COBLL1: variants seen among roughly 807,000 people sequenced by gnomAD.
COBLL1 encodes cordon-bleu protein-like 1.
COBLL1 carries 50 observed loss-of-function variants against 94.8 expected under a neutral mutation model. The ratio of observed to expected loss-of-function variants is 0.53; its 90% confidence interval spans 0.42 to 0.67. The LOEUF is 0.67. COBLL1 is among the 30% of genes least tolerant of loss of function. COBLL1 has a pLI of 0.00. For missense variants in COBLL1, 1,362 were observed against 1,348.7 expected, an observed-to-expected ratio of 1.01 and a Z score of -0.15; for synonymous variants, 448 against 473.8, an observed-to-expected ratio of 0.95 and a Z score of 0.71.
intron 2 of COBLL1, among the ~76,000 whole-genome samples, chr2:164,818,696 A>G (rs554643899): frequency 1.4e-3 from 207 of 143,888 alleles, no homozygotes; most frequent in African/African-American, 5.2e-3. Context: ...GTGTATATGT[A>G]CTTATGTAAA....
At chr2:164,787,893 CTTGG>C (rs1682949371) in intron 2 of COBLL1, among the ~76,000 whole-genome samples, 1 of 152,134 alleles carries the variant, frequency 6.6e-6, no homozygotes, top group Non-Finnish European at 1.5e-5. Flanking sequence ...TCTTTTATGA[CTTGG>C]TTTTCTAAAT....
intron 4 of COBLL1, 29 bp downstream of exon 4, chr2:164,729,885 G>A: frequency 6.4e-7 from 1 of 1,557,712 alleles, no homozygotes; most frequent in Non-Finnish European, 8.8e-7. Flanking sequence ...GACTGAATAA[G>A]ACATCAAAAT....
At chr2:164,812,468 GA>G (rs1192136982) in intron 2 of COBLL1, among the ~76,000 whole-genome samples, 3 of 151,756 alleles carry the variant, frequency 2.0e-5, no homozygotes, top group African/African-American at 7.3e-5. Context: ...TAAATTTCTA[GA>G]AAAAAAGTCT....
chr2:164,733,752 G>A (rs2105530555), intron 3 of COBLL1, among the ~76,000 whole-genome samples: 1 of 152,240 alleles, frequency 6.6e-6, no homozygotes, highest in South Asian at 2.1e-4. Flanking sequence ...AGCTCCATGT[G>A]GATCTTTCTA....
chr2:164,667,926 A>C (rs1322940883), intron 1 of COBLL1, among the ~76,000 whole-genome samples: 1 of 151,474 alleles, frequency 6.6e-6, no homozygotes, highest in Non-Finnish European at 1.5e-5. Flanking sequence ...TGTTTGGTAT[A>C]ATAAGCCTGT....
chr2:164,736,870 A>G (rs1686337976), intron 3 of COBLL1, among the ~76,000 whole-genome samples: 1 of 152,218 alleles, frequency 6.6e-6, no homozygotes, highest in South Asian at 2.1e-4. Flanking sequence ...TAAGAATAAA[A>G]GGCTAGACAC....
chr2:164,675,211 A>G (rs1468406216), downstream of COBLL1, among the ~76,000 whole-genome samples: 2 of 152,228 alleles, frequency 1.3e-5, no homozygotes, highest in African/African-American at 4.8e-5. Context: ...TGGCATTGAC[A>G]GACTGATGGT....
Position 164,695,202 on chromosome 2 carries a change from G to A in COBLL1, c.2190C>T (p.Gly730=). The change falls in exon 12 of 14, where the codon GGC becomes GGT. Residue 730 remains glycine (G), a synonymous_variant. Coordinates refer to ENST00000652658, the MANE Select transcript of COBLL1 (RefSeq NM_001365672.2). ...GAGGCACTATTTTATAAGTAGTCATGCCAATTTTGGGTATATACTCTCGTG... is the reference window on the plus strand; with the variant it reads ...GAGGCACTATTTTATAAGTAGTCATACCAATTTTGGGTATATACTCTCGTG... The part of the protein sequence containing the change: ...EITREYIPKI[G]MTTYKIVPPK... 2 of 1,613,904 alleles carry A rather than the reference G, an allele frequency of 1.2e-6. No individual in the cohort carries two copies. Among genetic ancestry groups the A allele is most frequent in the African/African-American group, 1.3e-5 (1 of 75,012 alleles).
chr2:164,834,246 C>T (rs974733561), intron 2 of COBLL1, among the ~76,000 whole-genome samples: 8 of 152,322 alleles, frequency 5.3e-5, no homozygotes, highest in African/African-American at 1.9e-4. Flanking sequence ...ACTCCTTCTA[C>T]CTTTGGTCCA....
chr2:164,737,791 G>C (rs1014327097), intron 3 of COBLL1, among the ~76,000 whole-genome samples: 1 of 152,022 alleles, frequency 6.6e-6, no homozygotes, highest in Non-Finnish European at 1.5e-5. Context: ...TTTCCCAATA[G>C]GTGGCGCTGT....
intron 2 of COBLL1, among the ~76,000 whole-genome samples, chr2:164,755,349 T>C (rs1459547217): frequency 1.3e-5 from 2 of 152,188 alleles, no homozygotes; most frequent in Non-Finnish European, 2.9e-5. Flanking sequence ...AGAAAAATTT[T>C]TTGAGTCAAA....
chr2:164,818,656 A>C (rs55790386), intron 2 of COBLL1, among the ~76,000 whole-genome samples: 6 of 147,904 alleles, frequency 4.1e-5, no homozygotes, highest in African/African-American at 1.5e-4. Flanking sequence ...AAACATATAT[A>C]GCGTATATGT....
chr2:164,704,835 T>G (rs1684498216), intron 8 of COBLL1, 117 bp downstream of exon 8: 1 of 1,086,998 alleles, frequency 9.2e-7, no homozygotes, highest in Non-Finnish European at 1.3e-6. Context: ...AATCAAGATG[T>G]ATTTAAAAAG....
At chr2:164,817,069 A>G (rs1456239628) in intron 2 of COBLL1, among the ~76,000 whole-genome samples, 1 of 152,188 alleles carries the variant, frequency 6.6e-6, no homozygotes, top group Non-Finnish European at 1.5e-5. Context: ...AGGTATATGC[A>G]AATATCCATA....
At chr2:164,670,850 T>TGAGGAATGGAGAAGAAAGAA (rs1330616189) in intron 1 of COBLL1, among the ~76,000 whole-genome samples, 17 of 152,268 alleles carry the variant, frequency 1.1e-4, no homozygotes, top group Admixed American at 2.0e-4. Context: ...TCAGAACTCA[T>TGAGGAATGGAGAAGAAAGAA]GAGGAATGGA....
chr2:164,694,824 C>T lies in COBLL1; in HGVS notation c.2568G>A (p.Arg856=), dbSNP rs779367973. Residue 856 remains arginine, a synonymous_variant, in exon 12 of 14, where the codon CGG becomes CGA. Transcript: ENST00000652658. ...TGGGTTTGGCCTGGGCATTTGAAGC[C>T]CGAGATTTAAATTTTGATTCCAAAA... ...NNILESKFKS[R]ASNAQAKPSS... The T allele has an allele frequency of 2.5e-6, 4 of 1,613,728 alleles. No homozygotes were observed. Among genetic ancestry groups the T allele is most frequent in the South Asian group, 2.2e-5 (2 of 91,060 alleles).
At chr2:164,797,781 AC>A (rs1185463173) in intron 2 of COBLL1, among the ~76,000 whole-genome samples, 1 of 152,172 alleles carries the variant, frequency 6.6e-6, no homozygotes. Flanking sequence ...GCAAGTGAAC[AC>A]CTTCTTCCTC....
chr2:164,841,264 G>A lies in COBLL1; in HGVS notation c.-50-18C>T, dbSNP rs1159752063. 219 of 1,222,044 alleles carry A rather than the reference G, an allele frequency of 1.8e-4. No individual in the cohort carries two copies. The highest frequency in any genetic ancestry group is 2.2e-4 in the Non-Finnish European group (215 of 981,818). The allele number at this position is 1,222,044 out of a possible 1,614,324, so 75.7% of individuals were successfully genotyped here. A position where few individuals can be genotyped will look rare whatever the true frequency, so the allele number is the denominator to read the frequency against. ...CGTCACTGCTGGGGTGGGAGAGGCC[G>A]GCGGGTCAGGGCGGGACGCGCGCCT... On this transcript the variant is annotated intron_variant, in intron 1 of 13. Transcript: ENST00000652658. The surrounding 1 kb of genome is among the most constrained non-coding windows in gnomAD (Gnocchi z 5.5).
Position 164,722,219 on chromosome 2 carries a change from G to C in COBLL1, c.852C>G (p.Thr284=), listed in dbSNP as rs773728094. ...NTISKPYISN[T]LPSDAPKKRR... ...TCTTCTTGGGTGCATCCGACGGCAG[G>C]GTGTTGGAAATATATGGTTTGGAAA... Residue 284 remains threonine (T), a synonymous_variant, in exon 7 of 14, where the codon ACC becomes ACG. Coordinates refer to ENST00000652658, the MANE Select transcript of COBLL1 (RefSeq NM_001365672.2). 1.9e-6 allele frequency: 3 copies of C among 1,613,936 alleles called. No homozygotes were observed. Among genetic ancestry groups the C allele is most frequent in the Admixed American group, 3.3e-5 (2 of 59,984 alleles).
Sources: gnomAD v4.1 joint callset for allele counts (sites outside exome capture counted in the v4.1 genomes callset) on GRCh38, gnomAD v4.1.1 for gene constraint, Gnocchi (gnomAD v3.1) non-coding constraint, MANE v1.5 for transcripts, NCBI Gene and HGNC (gene_info 2026-07-23, HGNC 2026-07-21) for gene names.